The following GAB2 variants were observed in gnomAD, a reference collection of about 807,000 sequenced individuals.
The protein encoded by GAB2 is GRB2 associated binding protein 2, also known as GRB2-associated-binding protein 2.
GAB2 carries 26 observed loss-of-function variants against 65.5 expected under a neutral mutation model. The observed-to-expected ratio is 0.40, with a 90% CI of 0.29 to 0.55. The LOEUF is 0.55. Among genes scored for constraint, GAB2 ranks in the 20% least tolerant of loss-of-function variants. The pLI is 0.53. For synonymous variants in GAB2, 321 were observed against 329.6 expected (o/e 0.97, Z 0.28); for missense variants, 884 against 875.8 (o/e 1.01, Z -0.12).
At chr11:78,233,417 T>C (rs1389561354) in intron 3 of GAB2, among the ~76,000 whole-genome samples, 11 of 152,236 alleles carry the variant, frequency 7.2e-5, no homozygotes, top group Admixed American at 7.2e-4. Context: ...CCCAGATCAC[T>C]GATCATCTAT....
intron 2 of GAB2, among the ~76,000 whole-genome samples, chr11:78,269,799 G>C (rs1309504916): frequency 6.6e-6 from 1 of 152,192 alleles, no homozygotes; most frequent in East Asian, 1.9e-4. Flanking sequence ...AAGAAGAGTT[G>C]GTCAGAACTT....
rs569697228 is a variant in GAB2 at position 78,217,123 on chromosome 11, A to C, written c.*2149T>G. ...ACCTCAGGCACTCCCTTTTCCTAGA[A>C]TCCACCTTCCCTGATCCCCCACTCC... On this transcript the variant is annotated 3_prime_UTR_variant, in exon 10 of 10. Transcript: ENST00000361507. 7.0e-6 allele frequency: 1 copy of C among 143,514 alleles called. No individual in the cohort carries two copies. Among genetic ancestry groups the C allele is most frequent in the African/African-American group, 2.8e-5 (1 of 36,346 alleles). The allele number at this position is 143,514 out of a possible 1,614,324, so 8.9% of individuals were successfully genotyped here.
At chr11:78,306,216 A>G (rs1855355273) in intron 1 of GAB2, among the ~76,000 whole-genome samples, 1 of 152,088 alleles carries the variant, frequency 6.6e-6, no homozygotes, top group Non-Finnish European at 1.5e-5. Flanking sequence ...TAGAACCTAT[A>G]TACTTTTTTA....
Position 78,250,373 on chromosome 11 carries a change from C to T in GAB2, c.404G>A (p.Gly135Asp), listed in dbSNP as rs76853537. The T allele has an allele frequency of 6.2e-7, 1 of 1,613,084 alleles. No individual in the cohort carries two copies. Among genetic ancestry groups the T allele is most frequent in the African/African-American group, 1.3e-5 (1 of 74,686 alleles). ...AGCTGGAGAAGAGCGGGGGCCATGA[C>T]CGGCTGAGGAAACATTTCTCAGGGA... ...TDSLRNVSSA[G>D]HGPRSSPAEL... is the part of the protein sequence containing the mutation. The change falls in exon 3 of 10, where the codon GGT becomes GAT. Residue 135 changes from glycine to aspartate, a missense_variant. Physicochemically the swap from Gly to Asp is moderately conservative, Grantham distance 94. Transcript: ENST00000361507.
At chr11:78,332,443 C>T (rs1004411698) in intron 1 of GAB2, among the ~76,000 whole-genome samples, 1 of 152,162 alleles carries the variant, frequency 6.6e-6, no homozygotes, top group Non-Finnish European at 1.5e-5. Context: ...CAAGTCCTCA[C>T]TGTGTCTGAG....
intron 1 of GAB2, among the ~76,000 whole-genome samples, chr11:78,415,242 T>C (rs531269479): frequency 6.6e-6 from 1 of 152,346 alleles, no homozygotes; most frequent in South Asian, 2.1e-4. Context: ...TTTTTCCCCT[T>C]ATCACATATG....
At chr11:78,387,359 G>A (rs1189348998) in intron 1 of GAB2, among the ~76,000 whole-genome samples, 7 of 152,214 alleles carry the variant, frequency 4.6e-5, no homozygotes, top group Middle Eastern at 6.8e-3. Flanking sequence ...TCTGAAATAC[G>A]CATTTCTAAA....
intron 1 of GAB2, among the ~76,000 whole-genome samples, chr11:78,337,661 A>C: frequency 6.6e-6 from 1 of 152,220 alleles, no homozygotes; most frequent in East Asian, 1.9e-4. Flanking sequence ...CCCTATCTCA[A>C]GTGCAGCTAA....
Position 78,417,754 on chromosome 11 carries a change from G to C in GAB2, c.-34C>G. On this transcript the variant is annotated 5_prime_UTR_variant, in exon 1 of 10. Transcript: ENST00000361507. ...CCTGGAGCCCCCCGCCGGGTCGCGCGGACGAGGGCGCGGGCTCGGGCAGCT... is the reference window on the plus strand; with the variant it reads ...CCTGGAGCCCCCCGCCGGGTCGCGCCGACGAGGGCGCGGGCTCGGGCAGCT... 8.6e-7 allele frequency: 1 copy of C among 1,156,566 alleles called. No homozygotes were observed. Among genetic ancestry groups the C allele is most frequent in the South Asian group, 2.5e-5 (1 of 40,812 alleles). The allele number at this position is 1,156,566 out of a possible 1,614,324, so 71.6% of individuals were successfully genotyped here. A position where few individuals can be genotyped will look rare whatever the true frequency, so the allele number is the denominator to read the frequency against.
At chr11:78,312,856 C>T (rs1591028254) in intron 1 of GAB2, among the ~76,000 whole-genome samples, 1 of 152,142 alleles carries the variant, frequency 6.6e-6, no homozygotes, top group African/African-American at 2.4e-5. Context: ...TTTTTGCTCA[C>T]CAAGACCTGC....
At chr11:78,353,460 G>T (rs1209567774) in intron 1 of GAB2, among the ~76,000 whole-genome samples, 1 of 152,090 alleles carries the variant, frequency 6.6e-6, no homozygotes, top group Admixed American at 6.6e-5. Flanking sequence ...GAAACACTGG[G>T]AGAAACTGGG....
intron 1 of GAB2, among the ~76,000 whole-genome samples, chr11:78,354,888 C>T (rs1856334202): frequency 6.6e-6 from 1 of 152,210 alleles, no homozygotes; most frequent in African/African-American, 2.4e-5. Context: ...CTGGTAATTA[C>T]ATCATTATAC....
chr11:78,408,093 C>T (rs1260130026), intron 1 of GAB2, among the ~76,000 whole-genome samples: 1 of 152,062 alleles, frequency 6.6e-6, no homozygotes, highest in Non-Finnish European at 1.5e-5. Flanking sequence ...AACCTGAAAA[C>T]ATCAGCAAAG....
intron 3 of GAB2, among the ~76,000 whole-genome samples, chr11:78,234,880 C>T (rs576247777): frequency 2.0e-5 from 3 of 151,876 alleles, no homozygotes; most frequent in Non-Finnish European, 4.4e-5. Context: ...CATGGTGGCA[C>T]GCGCCTGTAA....
intron 3 of GAB2, among the ~76,000 whole-genome samples, chr11:78,243,824 A>G (rs779418044): frequency 1.3e-5 from 2 of 152,178 alleles, no homozygotes; most frequent in Non-Finnish European, 2.9e-5. Flanking sequence ...AGCCTGGAGG[A>G]CAGAGCAAGA....
At chr11:78,222,592 G>A (rs1285065251) in intron 6 of GAB2, among the ~76,000 whole-genome samples, 1 of 150,160 alleles carries the variant, frequency 6.7e-6, no homozygotes, top group Non-Finnish European at 1.5e-5. Context: ...ACACATATAT[G>A]TATTTTTTAA....
chr11:78,240,812 C>T (rs1040344420), intron 3 of GAB2, among the ~76,000 whole-genome samples: 3 of 152,176 alleles, frequency 2.0e-5, no homozygotes, highest in African/African-American at 7.2e-5. Flanking sequence ...GGCCCCTGAC[C>T]TGAGCTGATA....
chr11:78,274,815 G>A (rs1866122331), intron 2 of GAB2, among the ~76,000 whole-genome samples: 1 of 152,136 alleles, frequency 6.6e-6, no homozygotes, highest in Non-Finnish European at 1.5e-5. Context: ...GTGTCCAAAG[G>A]GGCAAAAATA....
At position 78,216,642 on chromosome 11, in the gene GAB2, C is replaced by A. The variant is rs532840313; in HGVS notation, c.*2630G>T. On this transcript the variant is annotated 3_prime_UTR_variant, in exon 10 of 10. Transcript: ENST00000361507. ...GAATAGGGGGCTGGAAGGAAGCCTC[C>A]TGGGAGATTCGATTTGAACACCTCA... The A allele has an allele frequency of 6.6e-6, 1 of 152,068 alleles. No homozygotes were observed. Among genetic ancestry groups the A allele is most frequent in the East Asian group, 1.9e-4 (1 of 5,184 alleles). 9.4% of individuals were successfully genotyped at this position (152,068 alleles called of 1,614,324 possible).
Sources: allele counts gnomAD v4.1 joint callset (sites outside exome capture counted in the v4.1 genomes callset), GRCh38; gene constraint gnomAD v4.1.1; transcripts MANE v1.5; gene names NCBI Gene and HGNC (gene_info 2026-07-23, HGNC 2026-07-21).